USP34: variants seen among roughly 807,000 people sequenced by gnomAD.
USP34 encodes the protein ubiquitin specific peptidase 34.
Under a neutral mutation model 460.3 loss-of-function variants are expected in USP34, and 70 were observed. That is an observed-to-expected ratio of 0.15 (90% CI 0.13 to 0.19). The LOEUF is 0.19. Ranked by LOEUF, USP34 falls within the 10% of genes least tolerant of loss-of-function variation. USP34 has a pLI of 1.00. For synonymous variants in USP34, 1,647 were observed against 1,405.3 expected (o/e 1.17, Z -3.85); for missense variants, 3,985 against 4,236.2 (o/e 0.94, Z 1.65).
At chr2:61,218,316 G>GAAA (rs79272493) in intron 67 of USP34, among the ~76,000 whole-genome samples, 1 of 89,740 alleles carries the variant, frequency 1.1e-5, no homozygotes, top group Non-Finnish European at 2.3e-5. Flanking sequence ...AAACTTCCAG[G>GAAA]AAAAAAAAAA....
At chr2:61,453,925 A>G (rs796597) in intron 1 of USP34, among the ~76,000 whole-genome samples, 100,246 of 151,598 alleles carry the variant, frequency 0.66, 33,439 homozygotes, top group African/African-American at 0.75. Context: ...TTTGGGTAGA[A>G]ACAGGGTTTC....
intron 39 of USP34, 98 bp downstream of exon 39, chr2:61,280,146 G>A (rs936818828): frequency 8.8e-5 from 56 of 637,808 alleles, no homozygotes; most frequent in Non-Finnish European, 1.2e-4. Flanking sequence ...ATAGATTAAT[G>A]AAGTACACTT....
intron 48 of USP34, among the ~76,000 whole-genome samples, chr2:61,254,650 T>C (rs1688674967): frequency 6.6e-6 from 1 of 152,230 alleles, no homozygotes; most frequent in Non-Finnish European, 1.5e-5. Context: ...AACTTGCCAT[T>C]TTATGGCTCT....
intron 5 of USP34, among the ~76,000 whole-genome samples, chr2:61,387,726 C>G (rs767001450): frequency 6.9e-6 from 1 of 145,780 alleles, no homozygotes; most frequent in Non-Finnish European, 1.5e-5. Flanking sequence ...TTTACGTATA[C>G]ACACATGTAA....
rs568703688 is a variant in USP34, at chr2:61,386,867, A to T, written c.754-3531T>A. On this transcript the variant is annotated intron_variant, in intron 5 of 79. Coordinates refer to ENST00000398571, the MANE Select transcript of USP34 (RefSeq NM_014709.4). ...AAATGACTTTTTCAACCAAAAATGA[A>T]AACCTTAACCATAAAGAAAAATGAC... 2.6e-5 allele frequency among the ~76,000 whole-genome samples: 4 copies of T among 152,344 alleles called. No homozygotes were observed. In the East Asian group the frequency reaches 5.8e-4, roughly 22 times the overall value.
intron 27 of USP34, among the ~76,000 whole-genome samples, chr2:61,309,714 A>T (rs984222916): frequency 6.6e-6 from 1 of 152,218 alleles, no homozygotes; most frequent in African/African-American, 2.4e-5. Flanking sequence ...CCTGAGAGTT[A>T]TGGTAGATCA....
At chr2:61,225,600 G>C (rs1361848432) in intron 62 of USP34, among the ~76,000 whole-genome samples, 1 of 151,724 alleles carries the variant, frequency 6.6e-6, no homozygotes, top group African/African-American at 2.4e-5. Flanking sequence ...AAAAGTTTTT[G>C]ATTTATAGTC....
intron 53 of USP34, among the ~76,000 whole-genome samples, chr2:61,241,232 A>G (rs1176628033): frequency 6.6e-6 from 1 of 151,820 alleles, no homozygotes; most frequent in Non-Finnish European, 1.5e-5. Context: ...TTTAGGAGAA[A>G]CAGAGTTTCA....
At chr2:61,367,619 CTA>C (rs1692480392) in intron 10 of USP34, among the ~76,000 whole-genome samples, 1 of 152,074 alleles carries the variant, frequency 6.6e-6, no homozygotes, top group Non-Finnish European at 1.5e-5. Flanking sequence ...ATATATATCT[CTA>C]TATCTCCATC....
rs1693852207 is a variant in USP34, at chr2:61,405,731, G to A, written c.529C>T (p.His177Tyr). The change falls in exon 3 of 80, where the codon CAT becomes TAT. Residue 177 changes from histidine (H) to tyrosine (Y), a missense_variant. Around this residue, in one of 14 missense-constraint regions of USP34, gnomAD observed 331 missense variants for 293.7 expected, o/e 1.13. Transcript: ENST00000398571. ...ACCTCAATAGTAGGGTGAGTATTATGCTTGTAAGCAGTATATAAGGGAAAC... is the reference window on the plus strand; with the variant it reads ...ACCTCAATAGTAGGGTGAGTATTATACTTGTAAGCAGTATATAAGGGAAAC... ...IQFPLYTAYK[H>Y]NTHPTIEDIS... 3 of 1,568,152 alleles carry A rather than the reference G, an allele frequency of 1.9e-6. No homozygotes were observed. The highest frequency in any genetic ancestry group is 2.0e-5 in the Admixed American group (1 of 50,678).
intron 1 of USP34, among the ~76,000 whole-genome samples, chr2:61,444,079 T>C (rs1010591440): frequency 2.6e-5 from 4 of 152,006 alleles, no homozygotes; most frequent in Non-Finnish European, 4.4e-5. Context: ...GGAGACTTCA[T>C]TGCTAAAAAT....
intron 5 of USP34, among the ~76,000 whole-genome samples, chr2:61,391,977 T>C (rs995749336): frequency 1.3e-5 from 2 of 152,162 alleles, no homozygotes; most frequent in African/African-American, 2.4e-5. Context: ...TTAATTTAAA[T>C]AGTATAATTT....
chr2:61,448,098 C>A (rs1695170183), intron 1 of USP34, among the ~76,000 whole-genome samples: 1 of 152,194 alleles, frequency 6.6e-6, no homozygotes, highest in South Asian at 2.1e-4. Flanking sequence ...CTACTTAATG[C>A]CACTGTCTTT....
At chr2:61,349,691 A>G (rs1297767242) in intron 12 of USP34, among the ~76,000 whole-genome samples, 26 of 152,054 alleles carry the variant, frequency 1.7e-4, no homozygotes, top group Non-Finnish European at 1.5e-5. Context: ...ATACAAAAAA[A>G]TTAGCTGGGC....
chr2:61,467,761 C>A (rs368454708), intron 1 of USP34, among the ~76,000 whole-genome samples: 4 of 151,414 alleles, frequency 2.6e-5, no homozygotes, highest in African/African-American at 9.7e-5. Flanking sequence ...GCTGGGACTA[C>A]AGATGCCTAC....
At chr2:61,405,094 G>A (rs1250610145) in intron 3 of USP34, among the ~76,000 whole-genome samples, 4 of 151,690 alleles carry the variant, frequency 2.6e-5, no homozygotes, top group Non-Finnish European at 5.9e-5. Context: ...TTAGCCAGGT[G>A]TGGTGGCAGG....
chr2:61,267,775 G>A (rs1017891052), intron 41 of USP34, among the ~76,000 whole-genome samples: 5 of 152,090 alleles, frequency 3.3e-5, no homozygotes, highest in African/African-American at 9.6e-5. Flanking sequence ...CACAACACCC[G>A]GTCTTAATTT....
intron 56 of USP34, 46 bp from the exon 57 acceptor site, chr2:61,235,956 A>T: frequency 1.9e-6 from 3 of 1,599,244 alleles, no homozygotes; most frequent in Non-Finnish European, 2.6e-6. Flanking sequence ...CTGAGCCAAC[A>T]ATAACAAAAA....
intron 70 of USP34, 183 bp downstream of exon 70, chr2:61,208,716 A>T (rs1201666154): frequency 2.8e-6 from 1 of 359,152 alleles, no homozygotes; most frequent in Non-Finnish European, 5.1e-6. Context: ...AAAAAGGAAC[A>T]GCACCCTAAA....
Sources: allele counts gnomAD v4.1 joint callset (sites outside exome capture counted in the v4.1 genomes callset), GRCh38; gene constraint gnomAD v4.1.1; regional missense constraint gnomAD v4.1.1; transcripts MANE v1.5; gene names NCBI Gene and HGNC (gene_info 2026-07-23, HGNC 2026-07-21).